The following UBASH3B variants were observed in gnomAD, a reference collection of about 807,000 sequenced individuals.
The protein encoded by UBASH3B is ubiquitin-associated and SH3 domain-containing protein B.
A neutral mutation model predicts 83.4 loss-of-function variants in UBASH3B; 37 were observed. The ratio of observed to expected loss-of-function variants is 0.44; its 90% CI spans 0.34 to 0.58. The LOEUF (loss-of-function observed/expected upper bound fraction) is 0.58. UBASH3B is among the 20% of genes least tolerant of loss of function. UBASH3B has a pLI of 0.01. For synonymous variants in UBASH3B, 304 were observed against 318.3 expected, an observed-to-expected ratio of 0.96 and a Z score of 0.48; for missense variants, 657 against 827.2, an observed-to-expected ratio of 0.79 and a Z score of 2.52.
chr11:122,757,709 CTTTTTTTTTTTT>C (rs781180822), intron 1 of UBASH3B, among the ~76,000 whole-genome samples: 1 of 92,114 alleles, frequency 1.1e-5, no homozygotes, highest in African/African-American at 3.8e-5. Flanking sequence ...CTTCTTTTCC[CTTTTTTTTTTTT>C]TTTTTTTTTT....
chr11:122,769,229 G>A (rs1250928652), intron 1 of UBASH3B, among the ~76,000 whole-genome samples: 1 of 152,138 alleles, frequency 6.6e-6, no homozygotes, highest in East Asian at 1.9e-4. Flanking sequence ...AGAGAGAGGG[G>A]AGAAGCTGCC....
At chr11:122,761,824 A>C (rs1861376028) in intron 1 of UBASH3B, among the ~76,000 whole-genome samples, 2 of 113,058 alleles carry the variant, frequency 1.8e-5, no homozygotes, top group African/African-American at 3.6e-5. Flanking sequence ...ACAGGGTCTC[A>C]CTCTGTTGCC....
chr11:122,714,553 A>G (rs1306634148), intron 1 of UBASH3B, among the ~76,000 whole-genome samples: 1 of 152,176 alleles, frequency 6.6e-6, no homozygotes, highest in Admixed American at 6.5e-5. Context: ...GGAGAGAGTG[A>G]AGGATTGAAC....
In UBASH3B at chr11:122,799,110, G is replaced by A. The variant is rs1350114551; in HGVS notation, c.1450+76G>A. On this transcript the variant is annotated intron_variant, in intron 10 of 13. Coordinates refer to ENST00000284273, the MANE Select transcript of UBASH3B (RefSeq NM_032873.5). ...GCAGCCCCACACATAAATTATCTTA[G>A]AGCCATGGGACATTTGCCAGTTGAA... The A allele has an allele frequency of 4.1e-6, 5 of 1,224,566 alleles. No homozygotes were observed. In the East Asian group the frequency reaches 7.1e-5, roughly 17 times the overall value. The allele number at this position is 1,224,566 out of a possible 1,614,324, so 75.9% of individuals were successfully genotyped here.
intron 1 of UBASH3B, among the ~76,000 whole-genome samples, chr11:122,746,773 G>A (rs190680695): frequency 6.6e-6 from 1 of 152,312 alleles, no homozygotes; most frequent in Admixed American, 6.5e-5. Flanking sequence ...CGTGTGCTCA[G>A]TTTTGAAGGC....
At position 122,813,924 on chromosome 11, in the gene UBASH3B, ATAG is replaced by A. The variant is rs976834837; in HGVS notation, c.*4042_*4044del. The A allele has an allele frequency of 9.8e-5, 15 of 152,378 alleles. No individual in the cohort carries two copies. Among genetic ancestry groups the A allele is most frequent in the African/African-American group, 3.4e-4 (14 of 41,584 alleles). 9.4% of individuals were successfully genotyped at this position (152,378 alleles called of 1,614,324 possible). On this transcript the variant is annotated 3_prime_UTR_variant, in exon 14 of 14. Coordinates refer to ENST00000284273, the MANE Select transcript of UBASH3B (RefSeq NM_032873.5). ...ATAACTTCATTTTTAAGTACAAATA[ATAG>A]TAGGATTGGTGTATGTAGGTTTAAA... is the stretch of plus-strand genomic sequence containing the variant.
intron 1 of UBASH3B, among the ~76,000 whole-genome samples, chr11:122,743,886 G>A (rs2135962119): frequency 6.6e-6 from 1 of 152,334 alleles, no homozygotes; most frequent in Non-Finnish European, 1.5e-5. Context: ...GGAAGGTGCA[G>A]GGTGCTCCCT....
chr11:122,668,824 C>T (rs1863554576), intron 1 of UBASH3B, among the ~76,000 whole-genome samples: 1 of 152,184 alleles, frequency 6.6e-6, no homozygotes, highest in Admixed American at 6.5e-5. Flanking sequence ...TCTCAAAGTA[C>T]TGTGAACTGT....
At position 122,733,518 on chromosome 11, in the gene UBASH3B, A is replaced by G. The variant is rs114609195; in HGVS notation, c.162-42701A>G. 2.7e-3 allele frequency among the ~76,000 whole-genome samples: 417 copies of G among 152,344 alleles called. 2 individuals carry two copies. Among genetic ancestry groups the G allele is most frequent in the African/African-American group, 8.4e-3 (351 of 41,584 alleles). On this transcript the variant is annotated intron_variant, in intron 1 of 13. Coordinates refer to ENST00000284273, the MANE Select transcript of UBASH3B (RefSeq NM_032873.5). ...AGCATGGCCCAGATCCAAGTTTCAC[A>G]TCAGTAATTCCTGCCATTCAACATG...
At chr11:122,720,655 ATACAC>A (rs758770626) in intron 1 of UBASH3B, among the ~76,000 whole-genome samples, 3 of 152,120 alleles carry the variant, frequency 2.0e-5, no homozygotes, top group Non-Finnish European at 4.4e-5. Flanking sequence ...TGTTCCTTGA[ATACAC>A]TACACACGCC....
chr11:122,655,995 C>T lies in UBASH3B; in HGVS notation c.-55C>T. The T allele has an allele frequency of 7.0e-7, 1 of 1,437,356 alleles. No homozygotes were observed. The allele number at this position is 1,437,356 out of a possible 1,614,324, so 89.0% of individuals were successfully genotyped here. A position where few individuals can be genotyped will look rare whatever the true frequency, so the allele number is the denominator to read the frequency against. ...CCTGGCCCAGCCCGACTCCCTCCTC[C>T]TTCCCGAACCATCCGGCTCGGGCTC... On this transcript the variant is annotated 5_prime_UTR_variant, in exon 1 of 14. Coordinates refer to ENST00000284273, the MANE Select transcript of UBASH3B (RefSeq NM_032873.5).
intron 1 of UBASH3B, among the ~76,000 whole-genome samples, chr11:122,771,622 A>G (rs1277497767): frequency 1.3e-5 from 2 of 152,130 alleles, no homozygotes; most frequent in Admixed American, 1.3e-4. Flanking sequence ...ACAACCCCTT[A>G]GTGTCCAATA....
rs1434926452 is a variant in UBASH3B, at chr11:122,662,427, C to CT, written c.161+6221dup. Among the ~76,000 whole-genome samples the CT allele has an allele frequency of 7.6e-3, 1,029 of 136,162 alleles. 27 individuals carry two copies. Among genetic ancestry groups the CT allele is most frequent in the African/African-American group, 0.018 (682 of 38,050 alleles). The allele number at this position is 136,162 out of a possible 152,430, so 89.3% of individuals were successfully genotyped here. Reference sequence around the variant, plus strand: ...GCAGCCACCAGTCGCTTTTTCTTTTCTTTTCTTTTTTTTTTTTTTGAGACA... The same window carrying CT: ...GCAGCCACCAGTCGCTTTTTCTTTTCTTTTTCTTTTTTTTTTTTTTGAGACA... On this transcript the variant is annotated intron_variant, in intron 1 of 13. Coordinates refer to ENST00000284273, the MANE Select transcript of UBASH3B (RefSeq NM_032873.5).
intron 1 of UBASH3B, among the ~76,000 whole-genome samples, chr11:122,685,617 A>G (rs1352511917): frequency 2.6e-5 from 4 of 152,236 alleles, no homozygotes; most frequent in South Asian, 4.1e-4. Flanking sequence ...CCTGGGTTCC[A>G]GCGATTCTCC....
At chr11:122,776,721 G>C (rs948851201) in intron 2 of UBASH3B, among the ~76,000 whole-genome samples, 1 of 152,160 alleles carries the variant, frequency 6.6e-6, no homozygotes. Flanking sequence ...GTTGGTCCTA[G>C]TGGATTGGGA....
chr11:122,707,243 A>G (rs1428075895), intron 1 of UBASH3B, among the ~76,000 whole-genome samples: 1 of 152,184 alleles, frequency 6.6e-6, no homozygotes, highest in Non-Finnish European at 1.5e-5. Context: ...CTTTCTTGGA[A>G]GCCATTAGGC....
intron 1 of UBASH3B, among the ~76,000 whole-genome samples, chr11:122,765,518 G>A (rs997169865): frequency 1.3e-5 from 2 of 152,180 alleles, no homozygotes; most frequent in African/African-American, 2.4e-5. Context: ...AGTTGGCCTG[G>A]CTGCTTGCTC....
intron 1 of UBASH3B, among the ~76,000 whole-genome samples, chr11:122,738,959 C>A (rs895346041): frequency 2.6e-5 from 4 of 151,760 alleles, no homozygotes; most frequent in African/African-American, 9.7e-5. Context: ...TATAAGGGAG[C>A]CATGGACAGT....
In UBASH3B at chr11:122,783,093, C is replaced by T. The variant is rs79644801; in HGVS notation, c.642C>T (p.Thr214=). ...VEPHKKQLHV[T]LAYHFQASHL... ...CTCATAAGAAGCAGCTACATGTGACCCTGGCTTACCACTTCCAAGCCAGCC... is the reference window on the plus strand; with the variant it reads ...CTCATAAGAAGCAGCTACATGTGACTCTGGCTTACCACTTCCAAGCCAGCC... The change falls in exon 5 of 14, where the codon ACC becomes ACT. Residue 214 remains threonine, a synonymous_variant. Coordinates refer to ENST00000284273, the MANE Select transcript of UBASH3B (RefSeq NM_032873.5). 3.2e-3 allele frequency: 5,154 copies of T among 1,613,956 alleles called. 163 individuals are homozygous for T. In the Admixed American group the frequency reaches 0.062, roughly 20 times the overall value.
Sources: gnomAD v4.1 joint callset for allele counts (sites outside exome capture counted in the v4.1 genomes callset) on GRCh38, gnomAD v4.1.1 for gene constraint, MANE v1.5 for transcripts, NCBI Gene and HGNC (gene_info 2026-07-23, HGNC 2026-07-21) for gene names.